The following SH2D4A variants were observed in gnomAD, a reference collection of about 807,000 sequenced individuals.
SH2D4A encodes SH2 domain containing 4A.
SH2D4A carries 70 observed loss-of-function variants against 64.7 expected under a neutral mutation model. That is an observed-to-expected ratio of 1.08 (90% CI 0.89 to 1.32). The LOEUF is 1.32. Among genes scored for constraint, SH2D4A ranks in the 40% most tolerant of loss-of-function variants. The pLI is 0.00. For synonymous variants in SH2D4A, 268 were observed against 200.7 expected (o/e 1.34, Z -2.83); for missense variants, 706 against 540.1 (o/e 1.31, Z -3.04).
At chr8:19,353,450 C>T in intron 4 of SH2D4A, among the ~76,000 whole-genome samples, 1 of 149,656 alleles carries the variant, frequency 6.7e-6, no homozygotes, top group South Asian at 2.1e-4. Flanking sequence ...CACACTGCAT[C>T]CTCTGCCTCC....
intron 5 of SH2D4A, among the ~76,000 whole-genome samples, chr8:19,357,536 G>A (rs1429113206): frequency 1.3e-5 from 2 of 152,134 alleles, no homozygotes; most frequent in Admixed American, 6.6e-5. Flanking sequence ...ACATAGAGGC[G>A]GCATCCCAGG....
At chr8:19,363,996 T>G (rs1484393685) in intron 6 of SH2D4A, 76 bp from the exon 7 acceptor site, 1 of 1,401,734 alleles carries the variant, frequency 7.1e-7, no homozygotes, top group East Asian at 2.3e-5. Flanking sequence ...TGCTGCCCGT[T>G]GTGCAATGAA....
Position 19,394,568 on chromosome 8 carries a change from C to T in SH2D4A, c.1291C>T (p.Leu431=). Residue 431 remains leucine, a synonymous_variant, in exon 10 of 10, where the codon CTG becomes TTG. Transcript: ENST00000265807. The part of the protein sequence containing the change: ...EYHKEEPITS[L]GKELLLYPCG... ...TTGACAGGAGGAACCCATCACTTCCCTGGGGAAGGAGCTCCTTCTCTATCC... is the reference window on the plus strand; with the variant it reads ...TTGACAGGAGGAACCCATCACTTCCTTGGGGAAGGAGCTCCTTCTCTATCC... 3 of 1,607,974 alleles carry T rather than the reference C, an allele frequency of 1.9e-6. No individual in the cohort carries two copies. The highest frequency in any genetic ancestry group is 4.5e-5 in the East Asian group (2 of 44,564).
At chr8:19,351,835 G>A (rs1394354285) in intron 4 of SH2D4A, among the ~76,000 whole-genome samples, 1 of 152,082 alleles carries the variant, frequency 6.6e-6, no homozygotes, top group African/African-American at 2.4e-5. Context: ...CCAGGCTGGA[G>A]TGCAGTGGTG....
At chr8:19,339,890 A>C (rs2052500343) in intron 4 of SH2D4A, among the ~76,000 whole-genome samples, 1 of 152,162 alleles carries the variant, frequency 6.6e-6, no homozygotes, top group African/African-American at 2.4e-5. Context: ...TTGAGTACCC[A>C]ATAGGTGCTA....
chr8:19,369,735 CT>C (rs948323277), intron 7 of SH2D4A, among the ~76,000 whole-genome samples: 2 of 151,810 alleles, frequency 1.3e-5, no homozygotes, highest in African/African-American at 4.8e-5. Context: ...CTTTGTGTAG[CT>C]AAACTTATGT....
chr8:19,314,375 G>T (rs541303354), intron 1 of SH2D4A, among the ~76,000 whole-genome samples: 1 of 152,106 alleles, frequency 6.6e-6, no homozygotes, highest in South Asian at 2.1e-4. Flanking sequence ...CCCGCGCACC[G>T]GCACCCAGGG....
intron 8 of SH2D4A, among the ~76,000 whole-genome samples, chr8:19,380,878 T>C (rs1157194017): frequency 6.6e-6 from 1 of 152,156 alleles, no homozygotes; most frequent in Non-Finnish European, 1.5e-5. Flanking sequence ...CCACATGAAT[T>C]TTTGGATGGG....
intron 8 of SH2D4A, among the ~76,000 whole-genome samples, chr8:19,381,280 C>A (rs980923572): frequency 6.6e-6 from 1 of 152,266 alleles, no homozygotes; most frequent in South Asian, 2.1e-4. Context: ...GAACTCCTGA[C>A]CTCAAGTGAT....
chr8:19,314,741 C>A (rs2052057452), intron 1 of SH2D4A, among the ~76,000 whole-genome samples: 1 of 152,158 alleles, frequency 6.6e-6, no homozygotes, highest in Non-Finnish European at 1.5e-5. Flanking sequence ...AAGTGGAAAG[C>A]ATACAGGGGC....
chr8:19,342,671 C>A lies in SH2D4A; in HGVS notation c.513+7814C>A, dbSNP rs548107614. ...TGATTCACAGGGGGAGCTGGGTCTT[C>A]TACCTTATTCAGGTCCCTCTTATTA... is the stretch of plus-strand genomic sequence containing the variant. On this transcript the variant is annotated intron_variant, in intron 4 of 9. Transcript: ENST00000265807. Among the ~76,000 whole-genome samples the A allele has an allele frequency of 2.6e-5, 4 of 152,210 alleles. No homozygotes were observed. In the South Asian group the frequency reaches 8.3e-4, roughly 32 times the overall value.
intron 2 of SH2D4A, among the ~76,000 whole-genome samples, chr8:19,331,406 C>T (rs1049012486): frequency 1.3e-5 from 2 of 152,212 alleles, no homozygotes; most frequent in African/African-American, 4.8e-5. Flanking sequence ...TAGAGGTCCA[C>T]CTTTGGCCCA....
intron 5 of SH2D4A, 199 bp from the exon 6 acceptor site, chr8:19,361,004 C>G: frequency 2.7e-6 from 1 of 370,516 alleles, no homozygotes; most frequent in South Asian, 4.1e-5. Context: ...GAGTTACACA[C>G]TAGCTAGCAA....
chr8:19,389,827 T>C (rs2053457666), intron 8 of SH2D4A, among the ~76,000 whole-genome samples: 1 of 152,084 alleles, frequency 6.6e-6, no homozygotes, highest in Non-Finnish European at 1.5e-5. Context: ...TGAGCTGAGA[T>C]TGTGCCACAC....
chr8:19,377,495 A>G (rs975172960), intron 8 of SH2D4A, among the ~76,000 whole-genome samples: 20 of 152,138 alleles, frequency 1.3e-4, no homozygotes, highest in African/African-American at 4.8e-4. Flanking sequence ...TTCCATCCAT[A>G]TTTTATATGC....
chr8:19,375,918 A>C (rs1019894253), intron 8 of SH2D4A, among the ~76,000 whole-genome samples: 4 of 152,134 alleles, frequency 2.6e-5, no homozygotes, highest in African/African-American at 9.7e-5. Context: ...CCTGTGATCC[A>C]CAATGCCTAC....
chr8:19,345,462 G>C (rs143523292), intron 4 of SH2D4A, among the ~76,000 whole-genome samples: 6 of 152,338 alleles, frequency 3.9e-5, no homozygotes, highest in African/African-American at 1.4e-4. Flanking sequence ...CTAGACTTTT[G>C]TATTTGAGCA....
chr8:19,345,865 A>G (rs932047712), intron 4 of SH2D4A, among the ~76,000 whole-genome samples: 1 of 152,212 alleles, frequency 6.6e-6, no homozygotes, highest in African/African-American at 2.4e-5. Flanking sequence ...GACTTGCCCC[A>G]GTTCTAAGAG....
intron 2 of SH2D4A, among the ~76,000 whole-genome samples, chr8:19,320,976 C>G (rs2052179504): frequency 1.3e-5 from 2 of 152,190 alleles, no homozygotes; most frequent in African/African-American, 2.4e-5. Flanking sequence ...TTACTTTTTA[C>G]TGTCTTTTAT....
Sources: gnomAD v4.1 joint callset for allele counts (sites outside exome capture counted in the v4.1 genomes callset) on GRCh38, gnomAD v4.1.1 for gene constraint, MANE v1.5 for transcripts, NCBI Gene and HGNC (gene_info 2026-07-23, HGNC 2026-07-21) for gene names.